Variants in NAALADL2 observed in about 807,000 individuals in gnomAD.
NAALADL2 encodes inactive N-acetylated-alpha-linked acidic dipeptidase-like protein 2.
In NAALADL2, 76 loss-of-function variants were observed where a neutral mutation model predicts 87.2. The observed-to-expected ratio is 0.87, with a 90% CI of 0.72 to 1.05. The LOEUF (loss-of-function observed/expected upper bound fraction) is 1.05, where lower values mean the gene tolerates loss of function less well. Among genes scored for constraint, NAALADL2 ranks in the 50% least tolerant of loss-of-function variants. NAALADL2 has a pLI of 0.00. For missense variants in NAALADL2, 1,089 were observed against 945.8 expected (o/e 1.15, Z -1.99); for synonymous variants, 354 against 331.0 (o/e 1.07, Z -0.75).
chr3:174,847,339 G>A (rs1051062852), intron 3 of NAALADL2, among the ~76,000 whole-genome samples: 10 of 152,166 alleles, frequency 6.6e-5, no homozygotes, highest in Non-Finnish European at 1.0e-4. Flanking sequence ...CAAATTTAAA[G>A]AGGAATATCT....
intron 1 of NAALADL2, among the ~76,000 whole-genome samples, chr3:174,859,694 G>A (rs1372886589): frequency 6.6e-6 from 1 of 152,062 alleles, no homozygotes; most frequent in Non-Finnish European, 1.5e-5. Context: ...CACAAATTTG[G>A]GGGACCCGTG....
intron 1 of NAALADL2, among the ~76,000 whole-genome samples, chr3:174,860,670 T>G (rs1327133911): frequency 6.6e-6 from 1 of 152,124 alleles, no homozygotes; most frequent in African/African-American, 2.4e-5. Flanking sequence ...CTAGGCTGTG[T>G]GGGTGCATCA....
chr3:175,720,337 A>G (rs1742058214), intron 11 of NAALADL2, among the ~76,000 whole-genome samples: 1 of 152,152 alleles, frequency 6.6e-6, no homozygotes, highest in Non-Finnish European at 1.5e-5. Context: ...TCTAGAAGTA[A>G]CATAATCAGT....
intron 2 of NAALADL2, among the ~76,000 whole-genome samples, chr3:175,141,533 G>T (rs561126319): frequency 6.6e-6 from 1 of 152,166 alleles, no homozygotes; most frequent in African/African-American, 2.4e-5. Flanking sequence ...AGCAAAGCTT[G>T]ACTGGGATAT....
chr3:175,403,255 C>A (rs183265808), intron 5 of NAALADL2, among the ~76,000 whole-genome samples: 1 of 152,144 alleles, frequency 6.6e-6, no homozygotes, highest in East Asian at 1.9e-4. Flanking sequence ...CTTTATTAGA[C>A]CTTTCACAAT....
chr3:174,725,535 C>T (rs1203544708), intron 2 of NAALADL2, among the ~76,000 whole-genome samples: 1 of 152,106 alleles, frequency 6.6e-6, no homozygotes, highest in South Asian at 2.1e-4. Context: ...CTTTTATAAA[C>T]CATTTCGTAA....
intron 1 of NAALADL2, among the ~76,000 whole-genome samples, chr3:174,470,576 C>T (rs899026643): frequency 3.3e-5 from 5 of 152,190 alleles, no homozygotes; most frequent in Admixed American, 1.3e-4. Flanking sequence ...AATGGTATTT[C>T]CTAGGTCTCC....
intron 8 of NAALADL2, 72 bp from the exon 9 acceptor site, chr3:175,471,567 C>A: frequency 2.5e-6 from 2 of 809,394 alleles, no homozygotes; most frequent in Non-Finnish European, 3.9e-6. Flanking sequence ...GTTCATTATT[C>A]AACATCTAAC....
At position 175,284,404 on chromosome 3, in the gene NAALADL2, G is replaced by T. The variant is rs2110100486; in HGVS notation, c.939+27874G>T. On this transcript the variant is annotated intron_variant, in intron 4 of 13. Coordinates refer to ENST00000454872, the MANE Select transcript of NAALADL2 (RefSeq NM_207015.3). ...TCATTTTCTTATACTATTATATTCTGATTATATTATGTCTTCCATTTGGAA... is the reference window on the plus strand; with the variant it reads ...TCATTTTCTTATACTATTATATTCTTATTATATTATGTCTTCCATTTGGAA... 2.0e-5 allele frequency among the ~76,000 whole-genome samples: 3 copies of T among 151,772 alleles called. No individual in the cohort carries two copies. The South Asian group carries it at 6.2e-4, about 32-fold the overall frequency.
At chr3:175,729,427 G>A (rs1310481231) in intron 11 of NAALADL2, among the ~76,000 whole-genome samples, 2 of 152,284 alleles carry the variant, frequency 1.3e-5, no homozygotes, top group East Asian at 1.9e-4. Flanking sequence ...TGGATGAACT[G>A]TAACCTAACT....
intron 1 of NAALADL2, among the ~76,000 whole-genome samples, chr3:175,035,031 T>C (rs1024220032): frequency 2.0e-5 from 3 of 152,130 alleles, no homozygotes; most frequent in African/African-American, 7.2e-5. Context: ...TGTTGAACAG[T>C]TGAAAGAAGT....
chr3:175,638,673 AT>A (rs1728873789), intron 11 of NAALADL2, among the ~76,000 whole-genome samples: 1 of 152,190 alleles, frequency 6.6e-6, no homozygotes, highest in Admixed American at 6.5e-5. Context: ...TGTAGCTACT[AT>A]TATGATTAAA....
intron 1 of NAALADL2, among the ~76,000 whole-genome samples, chr3:175,055,422 G>A (rs1417969518): frequency 6.6e-6 from 1 of 152,202 alleles, no homozygotes; most frequent in Non-Finnish European, 1.5e-5. Flanking sequence ...AGGGTCCACA[G>A]ACTCCTGTTG....
At chr3:175,636,411 G>C (rs893407470) in intron 11 of NAALADL2, among the ~76,000 whole-genome samples, 4 of 151,992 alleles carry the variant, frequency 2.6e-5, no homozygotes, top group Non-Finnish European at 5.9e-5. Context: ...GAAACTTCAA[G>C]GAATCGGCGG....
chr3:175,587,604 A>G (rs1453837773), intron 10 of NAALADL2, among the ~76,000 whole-genome samples: 1 of 152,112 alleles, frequency 6.6e-6, no homozygotes, highest in African/African-American at 2.4e-5. Flanking sequence ...CTTGAGAAAA[A>G]CCTATTTAAC....
intron 5 of NAALADL2, among the ~76,000 whole-genome samples, chr3:175,428,037 G>A (rs539228427): frequency 6.6e-6 from 1 of 151,964 alleles, no homozygotes; most frequent in African/African-American, 2.4e-5. Context: ...AACATAAATG[G>A]CACTAATCTA....
chr3:175,776,255 A>C (rs1464726433), intron 13 of NAALADL2: 4 of 152,016 alleles, frequency 2.6e-5, no homozygotes, highest in Non-Finnish European at 5.9e-5. Context: ...CCTCTCCTCC[A>C]TTTGACATAC....
At chr3:175,495,626 CT>C (rs1482728880) in intron 9 of NAALADL2, among the ~76,000 whole-genome samples, 1 of 152,058 alleles carries the variant, frequency 6.6e-6, no homozygotes, top group Non-Finnish European at 1.5e-5. Flanking sequence ...AATTGAATCT[CT>C]TTGCTTGTAC....
intron 2 of NAALADL2, among the ~76,000 whole-genome samples, chr3:174,620,273 A>C (rs541086139): frequency 6.6e-6 from 1 of 152,082 alleles, no homozygotes; most frequent in Non-Finnish European, 1.5e-5. Flanking sequence ...TAAATAAAAC[A>C]TAGCAACACC....
Sources: allele counts gnomAD v4.1 joint callset (sites outside exome capture counted in the v4.1 genomes callset), GRCh38; gene constraint gnomAD v4.1.1; transcripts MANE v1.5; gene names NCBI Gene and HGNC (gene_info 2026-07-23, HGNC 2026-07-21).